The following IL2RB variants were observed in gnomAD, a reference collection of about 807,000 sequenced individuals.
IL2RB encodes the protein interleukin-2 receptor subunit beta.
A neutral mutation model predicts 44.2 loss-of-function variants in IL2RB; 17 were observed. That is an observed-to-expected ratio of 0.38 (90% CI 0.26 to 0.58). The LOEUF (loss-of-function observed/expected upper bound fraction) is 0.58, where lower values mean the gene tolerates loss of function less well. Ranked by LOEUF, IL2RB falls within the 20% of genes least tolerant of loss-of-function variation. The pLI is 0.63. For missense variants in IL2RB, 624 were observed against 685.5 expected, an observed-to-expected ratio of 0.91 and a Z score of 1.00; for synonymous variants, 286 against 297.9, an observed-to-expected ratio of 0.96 and a Z score of 0.41.
At position 37,128,164 on chromosome 22, in the gene IL2RB, G is replaced by A. The variant is rs1921216111; in HGVS notation, c.1588C>T (p.Pro530Ser). 3.8e-6 allele frequency: 6 copies of A among 1,567,548 alleles called. No individual in the cohort carries two copies. The highest frequency in any genetic ancestry group is 5.2e-6 in the Non-Finnish European group (6 of 1,161,718). Residue 530 changes from proline (P) to serine (S), a missense_variant, in exon 10 of 10, where the codon CCC becomes TCC. Physicochemically the swap from Pro to Ser is moderately conservative, Grantham distance 74. Coordinates refer to ENST00000216223, the MANE Select transcript of IL2RB (RefSeq NM_000878.5). The surrounding 1 kb of genome is among the most constrained non-coding windows in gnomAD (Gnocchi z 4.5). Reference sequence around the variant, plus strand: ...GACAAGTAGGCATCAGTGTTCAGGGGCAGGCGAGCATTAAGGGCCCTGAAC... The same window carrying A: ...GACAAGTAGGCATCAGTGTTCAGGGACAGGCGAGCATTAAGGGCCCTGAAC... ...GEFRALNARL[P>S]LNTDAYLSLQ...
chr22:37,132,326 A>AC (rs1741822879), intron 9 of IL2RB, 58 bp downstream of exon 9: 10 of 1,355,992 alleles, frequency 7.4e-6, no homozygotes, highest in Middle Eastern at 2.2e-4. Flanking sequence ...CTAACCTGCC[A>AC]CCCCCTCATC....
At chr22:37,151,608 G>A (rs1601607669), upstream of IL2RB, among the ~76,000 whole-genome samples, 1 of 152,180 alleles carries the variant, frequency 6.6e-6, no homozygotes, top group East Asian at 1.9e-4. Flanking sequence ...GCATGTGCTG[G>A]TGGGGTATTG....
intron 9 of IL2RB, among the ~76,000 whole-genome samples, chr22:37,130,671 A>G (rs1921380819): frequency 6.6e-6 from 1 of 152,252 alleles, no homozygotes; most frequent in African/African-American, 2.4e-5. Context: ...TTGTAGGTTC[A>G]TAGAATCAGG....
At chr22:37,131,419 C>T (rs991316632) in intron 9 of IL2RB, among the ~76,000 whole-genome samples, 2 of 152,172 alleles carry the variant, frequency 1.3e-5, no homozygotes, top group African/African-American at 2.4e-5. Context: ...AAAAGTACCC[C>T]CCATGTCCCC....
chr22:37,168,464 G>A (rs1236656604), intron 1 of IL2RB, among the ~76,000 whole-genome samples: 1 of 152,176 alleles, frequency 6.6e-6, no homozygotes, highest in East Asian at 1.9e-4. Context: ...GTGAGGGCTG[G>A]GTCCCCATCC....
chr22:37,138,658 G>C (rs1199932552), intron 5 of IL2RB, among the ~76,000 whole-genome samples: 1 of 152,236 alleles, frequency 6.6e-6, no homozygotes. Context: ...CAATCAGGCA[G>C]TAACAACCCA....
At chr22:37,171,743 G>A (rs531251085) in intron 1 of IL2RB, among the ~76,000 whole-genome samples, 2 of 152,340 alleles carry the variant, frequency 1.3e-5, no homozygotes, top group East Asian at 3.9e-4. Context: ...AGAAGAGACT[G>A]CTTGACTTGT....
intron 1 of IL2RB, among the ~76,000 whole-genome samples, chr22:37,145,980 C>G (rs1041129897): frequency 6.6e-6 from 1 of 152,166 alleles, no homozygotes; most frequent in African/African-American, 2.4e-5. Context: ...CACGTCCCTC[C>G]CGATGGTCTG....
intron 1 of IL2RB, 64 bp from the exon 2 acceptor site, chr22:37,144,269 A>G: frequency 6.8e-7 from 1 of 1,478,922 alleles, no homozygotes. Flanking sequence ...CTGCCCCTAG[A>G]GGCAGGCTGG....
At chr22:37,156,446 G>T (rs1922683120) in intron 1 of IL2RB, among the ~76,000 whole-genome samples, 1 of 152,144 alleles carries the variant, frequency 6.6e-6, no homozygotes, top group Non-Finnish European at 1.5e-5. Flanking sequence ...AGGCTAGGTG[G>T]GGTGGCTTTA....
At chr22:37,154,102 T>G (rs891536655), upstream of IL2RB, among the ~76,000 whole-genome samples, 1 of 151,608 alleles carries the variant, frequency 6.6e-6, no homozygotes, top group Non-Finnish European at 1.5e-5. Flanking sequence ...GGGAGGGAGG[T>G]AGGCCACTCT....
Position 37,128,207 on chromosome 22 carries a change from C to A in IL2RB, c.1545G>T (p.Arg515Ser). 1 of 1,519,390 alleles carries A rather than the reference C, an allele frequency of 6.6e-7. No homozygotes were observed. The highest frequency in any genetic ancestry group is 1.3e-5 in the South Asian group (1 of 75,220). The allele number at this position is 1,519,390 out of a possible 1,614,324, so 94.1% of individuals were successfully genotyped here. A position where few individuals can be genotyped will look rare whatever the true frequency, so the allele number is the denominator to read the frequency against. Residue 515 changes from arginine to serine, a missense_variant, in exon 10 of 10, where the codon AGG becomes AGT. This residue lies in a region of IL2RB where 291 missense variants were observed against 275.5 expected (regional missense o/e 1.06). Transcript: ENST00000216223. This position sits in a 1 kb window ranked among gnomAD's most constrained non-coding sequence, Gnocchi z 4.5. ...CCCTGAACTCCCCCTGCCCAGGAGG[C>A]CTGGACCAGGGGAAACTGACTCCCT... Reference protein sequence around the residue: ...PREGVSFPWSRPPGQGEFRAL... With the variant: ...PREGVSFPWSSPPGQGEFRAL...
intron 2 of IL2RB, 42 bp from the exon 3 acceptor site, chr22:37,143,677 C>G (rs1171867976): frequency 7.2e-7 from 1 of 1,392,334 alleles, no homozygotes. Context: ...TGTAGGTGCC[C>G]ACAGCCCCCC....
upstream of IL2RB, among the ~76,000 whole-genome samples, chr22:37,150,534 G>A (rs1365541337): frequency 1.3e-5 from 2 of 152,114 alleles, no homozygotes; most frequent in East Asian, 1.9e-4. Flanking sequence ...TCACATCAGG[G>A]TAAATGGGGT....
rs1180521969 is a variant in IL2RB, at chr22:37,128,424, G to C, written c.1328C>G (p.Thr443Ser). The change falls in exon 10 of 10, where the codon ACT (threonine) becomes AGT (serine). Residue 443 changes from threonine to serine, a missense_variant. This residue lies in a region of IL2RB where 291 missense variants were observed against 275.5 expected (regional missense o/e 1.06). Coordinates refer to ENST00000216223, the MANE Select transcript of IL2RB (RefSeq NM_000878.5). This position sits in a 1 kb window ranked among gnomAD's most constrained non-coding sequence, Gnocchi z 4.5. ...SLLGGPSPPS[T>S]APGGSGAGEE... ...ACCGGCCCCACTGCCCCCAGGGGCA[G>C]TGCTTGGGGGGCTGGGGCCACCGAG... 6.5e-7 allele frequency: 1 copy of C among 1,528,626 alleles called. No homozygotes were observed. The highest frequency in any genetic ancestry group is 8.8e-7 in the Non-Finnish European group (1 of 1,137,192). The allele number at this position is 1,528,626 out of a possible 1,614,324, so 94.7% of individuals were successfully genotyped here. A position where few individuals can be genotyped will look rare whatever the true frequency, so the allele number is the denominator to read the frequency against.
intron 1 of IL2RB, among the ~76,000 whole-genome samples, chr22:37,166,115 T>C (rs1427521940): frequency 6.6e-6 from 1 of 152,196 alleles, no homozygotes; most frequent in East Asian, 1.9e-4. Context: ...TCACCGCCCA[T>C]GCTCAAGGTC....
At chr22:37,143,436 G>A (rs770054856) in intron 3 of IL2RB, 85 bp downstream of exon 3, 9 of 881,174 alleles carry the variant, frequency 1.0e-5, no homozygotes, top group Middle Eastern at 2.3e-4. Flanking sequence ...TTCTGTAAAC[G>A]TTGACTCCTT....
chr22:37,144,498 A>C (rs981240005), intron 1 of IL2RB, among the ~76,000 whole-genome samples: 1 of 152,200 alleles, frequency 6.6e-6, no homozygotes, highest in African/African-American at 2.4e-5. Context: ...TAATCCCAGC[A>C]CTTTGGGAGG....
At chr22:37,154,575 CTTTT>C (rs57147928), upstream of IL2RB, among the ~76,000 whole-genome samples, 1 of 141,608 alleles carries the variant, frequency 7.1e-6, no homozygotes, top group Admixed American at 7.1e-5. Context: ...CTTTTTTTTT[CTTTT>C]TTTTTTTTTG....
Sources: allele counts gnomAD v4.1 joint callset (sites outside exome capture counted in the v4.1 genomes callset), GRCh38; gene constraint gnomAD v4.1.1; regional missense constraint gnomAD v4.1.1; non-coding constraint Gnocchi (gnomAD v3.1); transcripts MANE v1.5; gene names NCBI Gene and HGNC (gene_info 2026-07-23, HGNC 2026-07-21).